Variants in C1orf94 observed in about 807,000 individuals in gnomAD.
C1orf94 encodes the protein uncharacterized protein C1orf94.
A neutral mutation model predicts 53.6 loss-of-function variants in C1orf94; 45 were observed. The observed-to-expected ratio is 0.84, with a 90% confidence interval of 0.66 to 1.08. The LOEUF is 1.08. C1orf94 is among the 50% of genes least tolerant of loss of function. The pLI is 0.00. For missense variants in C1orf94, 762 were observed against 738.9 expected (o/e 1.03, Z -0.36); for synonymous variants, 304 against 296.1 (o/e 1.03, Z -0.27).
In C1orf94 at chr1:34,218,695, G is replaced by A. The variant is rs143754417; in HGVS notation, c.1731G>A (p.Ser577=). The A allele has an allele frequency of 1.9e-5, 31 of 1,611,260 alleles. No homozygotes were observed. The highest frequency in any genetic ancestry group is 6.7e-5 in the African/African-American group (5 of 74,814). The part of the protein sequence containing the change: ...YLFPQGYGFG[S]TSGGPLMHSP... Reference sequence around the variant, plus strand: ...CCTCCCTCTCTTCCAGGTTCGGCTCGACATCCGGAGGGCCCTTGATGCACA... The same window carrying A: ...CCTCCCTCTCTTCCAGGTTCGGCTCAACATCCGGAGGGCCCTTGATGCACA... The change falls in exon 7 of 7, where the codon TCG becomes TCA. Residue 577 remains serine (S), a synonymous_variant. Coordinates refer to ENST00000488417, the MANE Select transcript of C1orf94 (RefSeq NM_001134734.2).
intron 1 of C1orf94, among the ~76,000 whole-genome samples, chr1:34,170,951 G>A (rs568036339): frequency 5.6e-4 from 86 of 152,214 alleles, no homozygotes; most frequent in African/African-American, 1.9e-3. Context: ...CTATGTTTCA[G>A]GTTACTTACA....
intron 4 of C1orf94, among the ~76,000 whole-genome samples, chr1:34,205,386 C>T (rs1335682857): frequency 2.0e-5 from 3 of 152,226 alleles, no homozygotes; most frequent in Non-Finnish European, 4.4e-5. Flanking sequence ...TTCAACATAG[C>T]TGATCAAGGG....
chr1:34,171,594 G>A (rs978851305), intron 1 of C1orf94, among the ~76,000 whole-genome samples: 2 of 152,214 alleles, frequency 1.3e-5, no homozygotes, highest in East Asian at 3.8e-4. Context: ...ATGATTTAAT[G>A]TTATGCTGTC....
intron 1 of C1orf94, among the ~76,000 whole-genome samples, chr1:34,194,805 TTGTACTG>T (rs1642553970): frequency 1.3e-5 from 2 of 152,232 alleles, no homozygotes; most frequent in African/African-American, 2.4e-5. Context: ...ATTGACCTAA[TTGTACTG>T]TGTCTTTCTA....
upstream of C1orf94, among the ~76,000 whole-genome samples, chr1:34,173,195 T>G (rs565211462): frequency 6.6e-6 from 1 of 152,222 alleles, no homozygotes; most frequent in Non-Finnish European, 1.5e-5. Context: ...GAGTAGGCAC[T>G]AAGATTGGTG....
chr1:34,189,713 C>A (rs1642451885), intron 1 of C1orf94, among the ~76,000 whole-genome samples: 1 of 152,178 alleles, frequency 6.6e-6, no homozygotes. Flanking sequence ...CCTTTGGTGA[C>A]CTCCCTTTCC....
chr1:34,178,789 A>G (rs1035719791), intron 1 of C1orf94, among the ~76,000 whole-genome samples: 5 of 152,258 alleles, frequency 3.3e-5, no homozygotes, highest in African/African-American at 9.6e-5. Context: ...AGGAAGGAGC[A>G]GAGAGGAAAA....
At chr1:34,183,717 G>T (rs147208084) in intron 1 of C1orf94, among the ~76,000 whole-genome samples, 179 of 152,196 alleles carry the variant, frequency 1.2e-3, no homozygotes, top group African/African-American at 3.7e-3. Flanking sequence ...TCAGCTGAGC[G>T]TGGTGGCAGG....
Position 34,197,789 on chromosome 1 carries a change from ACCT to A in C1orf94, c.892_894del (p.Pro298del). On this transcript the variant is annotated inframe_deletion, in exon 2 of 7. Transcript: ENST00000488417. The surrounding 1 kb of genome is among the most constrained non-coding windows in gnomAD (Gnocchi z 4.1). ...GCCCATTTCTGCTGCTGCCTCCCCG[ACCT>A]CCTCCTGCACGTCCTGACAAGCTCC... is the stretch of plus-strand genomic sequence containing the variant. The A allele has an allele frequency of 3.7e-6, 6 of 1,613,954 alleles. No homozygotes were observed. Among genetic ancestry groups the A allele is most frequent in the Non-Finnish European group, 5.1e-6 (6 of 1,179,990 alleles).
At chr1:34,199,491 T>G (rs115994635) in intron 2 of C1orf94, among the ~76,000 whole-genome samples, 5,507 of 152,314 alleles carry the variant, frequency 0.036, 170 homozygotes, top group South Asian at 0.096. Flanking sequence ...GAAGACAGCC[T>G]TAGCCCCGAA....
At chr1:34,206,183 G>A (rs909434437) in intron 4 of C1orf94, among the ~76,000 whole-genome samples, 25 of 152,106 alleles carry the variant, frequency 1.6e-4, no homozygotes, top group African/African-American at 5.8e-4. Context: ...AAAGCAAGGG[G>A]CACCTTCCTC....
intron 1 of C1orf94, among the ~76,000 whole-genome samples, chr1:34,194,906 G>C (rs560294267): frequency 6.6e-6 from 1 of 152,298 alleles, no homozygotes; most frequent in East Asian, 1.9e-4. Flanking sequence ...CCTGTGACTT[G>C]AGACTCACCT....
At chr1:34,171,307 C>G (rs1642141960) in intron 1 of C1orf94, among the ~76,000 whole-genome samples, 1 of 152,220 alleles carries the variant, frequency 6.6e-6, no homozygotes, top group African/African-American at 2.4e-5. Context: ...TAGAAAGCTT[C>G]CCTTCTCCTT....
chr1:34,178,253 CT>C, intron 1 of C1orf94, 144 bp downstream of exon 1: 1 of 925,692 alleles, frequency 1.1e-6, no homozygotes, highest in Non-Finnish European at 1.6e-6. Flanking sequence ...TTTGTCCAAG[CT>C]TTATAGAAGA....
intron 5 of C1orf94, among the ~76,000 whole-genome samples, chr1:34,209,433 G>A (rs1642855100): frequency 6.6e-6 from 1 of 151,068 alleles, no homozygotes; most frequent in African/African-American, 2.4e-5. Context: ...ATTGAGTCTT[G>A]GGGCAGGGAT....
At chr1:34,170,032 G>A (rs981739237) in intron 1 of C1orf94, among the ~76,000 whole-genome samples, 1 of 152,234 alleles carries the variant, frequency 6.6e-6, no homozygotes, top group African/African-American at 2.4e-5. Flanking sequence ...TTCTTCATTT[G>A]TGTATAAGGA....
At chr1:34,192,427 A>G (rs1489484379) in intron 1 of C1orf94, among the ~76,000 whole-genome samples, 1 of 152,200 alleles carries the variant, frequency 6.6e-6, no homozygotes, top group African/African-American at 2.4e-5. Flanking sequence ...GAAAGGCCAG[A>G]AAATGGAACC....
chr1:34,204,114 G>T (rs956361209), intron 4 of C1orf94, among the ~76,000 whole-genome samples: 1 of 152,150 alleles, frequency 6.6e-6, no homozygotes, highest in Non-Finnish European at 1.5e-5. Context: ...CTTCCAACTC[G>T]GCTTGTCCTG....
At chr1:34,172,306 A>G (rs1035974131), upstream of C1orf94, among the ~76,000 whole-genome samples, 5 of 152,224 alleles carry the variant, frequency 3.3e-5, no homozygotes, top group Non-Finnish European at 7.3e-5. Flanking sequence ...CTTTAAGTGG[A>G]GATCTCATAG....
Sources: gnomAD v4.1 joint callset for allele counts (sites outside exome capture counted in the v4.1 genomes callset) on GRCh38, gnomAD v4.1.1 for gene constraint, Gnocchi (gnomAD v3.1) non-coding constraint, MANE v1.5 for transcripts, NCBI Gene and HGNC (gene_info 2026-07-23, HGNC 2026-07-21) for gene names.